Variants in CCDC148 observed in about 807,000 individuals in gnomAD.
The protein encoded by CCDC148 is coiled-coil domain containing 148.
Under a neutral mutation model 85.7 loss-of-function variants are expected in CCDC148, and 89 were observed. The ratio of observed to expected loss-of-function variants is 1.04; its 90% CI spans 0.87 to 1.24. The LOEUF (loss-of-function observed/expected upper bound fraction) is 1.24, where lower values mean the gene tolerates loss of function less well. Ranked by LOEUF, CCDC148 falls within the 50% of genes most tolerant of loss-of-function variation. The probability of loss-of-function intolerance (pLI) is 0.00; values close to 1 mark genes in which losing one functional copy is unlikely to be tolerated. For synonymous variants in CCDC148, 230 were observed against 213.9 expected, an observed-to-expected ratio of 1.08 and a Z score of -0.66; for missense variants, 692 against 671.7, an observed-to-expected ratio of 1.03 and a Z score of -0.33.
intron 8 of CCDC148, among the ~76,000 whole-genome samples, chr2:158,309,926 T>A (rs1022788193): frequency 9.9e-5 from 15 of 152,224 alleles, no homozygotes; most frequent in Admixed American, 4.6e-4. Context: ...CTTTATTTTT[T>A]AAATTTTTTT....
intron 11 of CCDC148, among the ~76,000 whole-genome samples, chr2:158,183,202 A>G (rs1012284519): frequency 2.6e-5 from 4 of 152,170 alleles, no homozygotes; most frequent in African/African-American, 9.6e-5. Flanking sequence ...CACAGCACTA[A>G]CAATAATCTG....
chr2:158,184,959 G>C (rs577223438), intron 11 of CCDC148, among the ~76,000 whole-genome samples: 5 of 152,162 alleles, frequency 3.3e-5, no homozygotes, highest in Non-Finnish European at 7.4e-5. Context: ...GAGAACTACA[G>C]CATAGATAAA....
Position 158,389,030 on chromosome 2 carries a change from A to G in CCDC148, c.26-30460T>C, listed in dbSNP as rs75762069. 2.0e-5 allele frequency among the ~76,000 whole-genome samples: 3 copies of G among 152,260 alleles called. No individual in the cohort carries two copies. In the East Asian group the frequency reaches 5.8e-4, roughly 29 times the overall value. ...ATATTAAAATGTAGACACTGTCACA[A>G]AGGTAACTCTTGGCACTAATGTCAT... On this transcript the variant is annotated intron_variant, in intron 1 of 13. Transcript: ENST00000283233.
intron 12 of CCDC148, among the ~76,000 whole-genome samples, chr2:158,177,603 T>C (rs1041463633): frequency 6.6e-6 from 1 of 152,146 alleles, no homozygotes; most frequent in Non-Finnish European, 1.5e-5. Flanking sequence ...TGAACAAGAA[T>C]GTGTTCAGTA....
At chr2:158,309,101 G>C (rs1691843792) in intron 9 of CCDC148, among the ~76,000 whole-genome samples, 1 of 152,166 alleles carries the variant, frequency 6.6e-6, no homozygotes, top group African/African-American at 2.4e-5. Flanking sequence ...CTTTAGATCA[G>C]CATTAGACAG....
chr2:158,237,131 C>T (rs1559007670), intron 10 of CCDC148, among the ~76,000 whole-genome samples: 2 of 152,012 alleles, frequency 1.3e-5, no homozygotes, highest in African/African-American at 2.4e-5. Context: ...GACATATGCT[C>T]GAGTGTTCAT....
chr2:158,376,715 G>T (rs954493724), intron 1 of CCDC148, among the ~76,000 whole-genome samples: 1 of 151,806 alleles, frequency 6.6e-6, no homozygotes, highest in African/African-American at 2.4e-5. Flanking sequence ...AACGCAGAGG[G>T]AACAAAAAGA....
intron 10 of CCDC148, among the ~76,000 whole-genome samples, chr2:158,222,565 C>A (rs933685758): frequency 2.0e-5 from 3 of 152,072 alleles, no homozygotes; most frequent in African/African-American, 7.2e-5. Context: ...ACATCTTCAA[C>A]CTTCAGAAAA....
At chr2:158,281,655 A>G in intron 9 of CCDC148, among the ~76,000 whole-genome samples, 1 of 152,194 alleles carries the variant, frequency 6.6e-6, no homozygotes, top group East Asian at 1.9e-4. Context: ...AACCAAAAAG[A>G]GTCCAGGACC....
intron 11 of CCDC148, among the ~76,000 whole-genome samples, chr2:158,200,713 C>T (rs1034863978): frequency 1.3e-5 from 2 of 152,140 alleles, no homozygotes; most frequent in African/African-American, 2.4e-5. Flanking sequence ...TAAATCAGTA[C>T]ACTTGGTTAA....
chr2:158,253,217 C>T (rs934786610), intron 9 of CCDC148, among the ~76,000 whole-genome samples: 3 of 151,682 alleles, frequency 2.0e-5, no homozygotes, highest in African/African-American at 7.3e-5. Flanking sequence ...AGAACAAGAT[C>T]AGAAAGTTCA....
intron 7 of CCDC148, among the ~76,000 whole-genome samples, chr2:158,320,597 T>C (rs962406994): frequency 1.3e-5 from 2 of 152,220 alleles, no homozygotes; most frequent in African/African-American, 4.8e-5. Context: ...GCTTTGCATA[T>C]AGCTACACAT....
At chr2:158,253,575 G>A (rs1004463400) in intron 9 of CCDC148, among the ~76,000 whole-genome samples, 4 of 151,632 alleles carry the variant, frequency 2.6e-5, no homozygotes, top group African/African-American at 9.7e-5. Context: ...CACAGTCCAT[G>A]CATTTGCCTT....
At chr2:158,310,241 G>A (rs1435610228) in intron 8 of CCDC148, among the ~76,000 whole-genome samples, 2 of 152,152 alleles carry the variant, frequency 1.3e-5, no homozygotes, top group Non-Finnish European at 2.9e-5. Context: ...GGGGTTGGGG[G>A]TAAGGTTATA....
intron 1 of CCDC148, among the ~76,000 whole-genome samples, chr2:158,455,659 G>A (rs1012872469): frequency 6.6e-6 from 1 of 151,810 alleles, no homozygotes; most frequent in African/African-American, 2.4e-5. Context: ...AAAGAGATTA[G>A]TCTAAAAAAA....
At chr2:158,252,790 T>G (rs1392862525) in intron 9 of CCDC148, among the ~76,000 whole-genome samples, 1 of 151,862 alleles carries the variant, frequency 6.6e-6, no homozygotes, top group Non-Finnish European at 1.5e-5. Context: ...GTTCATTCTA[T>G]GTTTCTGACC....
At chr2:158,230,317 T>C (rs568533075) in intron 10 of CCDC148, among the ~76,000 whole-genome samples, 3 of 152,224 alleles carry the variant, frequency 2.0e-5, no homozygotes, top group Non-Finnish European at 2.9e-5. Context: ...TTAGAAAAAT[T>C]TGAGTAGAAT....
chr2:158,311,207 C>T lies in CCDC148; in HGVS notation c.904-1568G>A, dbSNP rs149871752. Among the ~76,000 whole-genome samples the T allele has an allele frequency of 6.3e-3, 954 of 152,348 alleles. 10 individuals are homozygous for T. The highest frequency in any genetic ancestry group is 0.022 in the African/African-American group (909 of 41,576). ...ATTGAGCACTGAGTGAGCCAAACTCCGTCTGCAATCCCGGCACCTCGGGAG... is the reference window on the plus strand; with the variant it reads ...ATTGAGCACTGAGTGAGCCAAACTCTGTCTGCAATCCCGGCACCTCGGGAG... On this transcript the variant is annotated intron_variant, in intron 8 of 13. Coordinates refer to ENST00000283233, the MANE Select transcript of CCDC148 (RefSeq NM_138803.4).
intron 2 of CCDC148, among the ~76,000 whole-genome samples, chr2:158,346,441 C>G (rs967987343): frequency 6.6e-6 from 1 of 152,156 alleles, no homozygotes; most frequent in Admixed American, 6.5e-5. Flanking sequence ...TTCTGTATGT[C>G]CCTCTGACCT....
Sources: allele counts gnomAD v4.1 joint callset (sites outside exome capture counted in the v4.1 genomes callset), GRCh38; gene constraint gnomAD v4.1.1; transcripts MANE v1.5; gene names NCBI Gene and HGNC (gene_info 2026-07-23, HGNC 2026-07-21).